Variants in EREG observed in about 807,000 individuals in gnomAD.
EREG encodes epiregulin, also known as proepiregulin.
Under a neutral mutation model 22.4 loss-of-function variants are expected in EREG, and 23 were observed. The ratio of observed to expected loss-of-function variants is 1.03; its 90% CI spans 0.74 to 1.46. The LOEUF (loss-of-function observed/expected upper bound fraction) is 1.46. Ranked by LOEUF, EREG falls within the 40% of genes most tolerant of loss-of-function variation. The probability of loss-of-function intolerance (pLI) is 0.00; values close to 1 mark genes in which losing one functional copy is unlikely to be tolerated. For synonymous variants in EREG, 100 were observed against 75.4 expected (o/e 1.33, Z -1.69); for missense variants, 226 against 205.9 (o/e 1.10, Z -0.60).
At chr4:74,376,387 T>C (rs1251924791) in intron 1 of EREG, among the ~76,000 whole-genome samples, 2 of 152,216 alleles carry the variant, frequency 1.3e-5, no homozygotes, top group Non-Finnish European at 2.9e-5. Context: ...ATGTCAAGGA[T>C]GTAAGCACGT....
At chr4:74,376,770 G>A (rs1752387639) in intron 1 of EREG, among the ~76,000 whole-genome samples, 1 of 152,096 alleles carries the variant, frequency 6.6e-6, no homozygotes, top group South Asian at 2.1e-4. Flanking sequence ...AGATAAATTT[G>A]TAACTCTTCT....
At chr4:74,371,039 G>A (rs1752281000) in intron 1 of EREG, among the ~76,000 whole-genome samples, 1 of 152,194 alleles carries the variant, frequency 6.6e-6, no homozygotes, top group Non-Finnish European at 1.5e-5. Flanking sequence ...CCCACTAGAT[G>A]TCAGTAGCAT....
At chr4:74,379,393 C>A in intron 1 of EREG, 55 bp from the exon 2 acceptor site, 2 of 1,104,282 alleles carry the variant, frequency 1.8e-6, no homozygotes, top group South Asian at 1.3e-5. Flanking sequence ...GAAATTTGAT[C>A]AAGATTTCTT....
intron 1 of EREG, among the ~76,000 whole-genome samples, chr4:74,366,083 C>T (rs1219452009): frequency 6.6e-6 from 1 of 152,060 alleles, no homozygotes; most frequent in Non-Finnish European, 1.5e-5. Context: ...ACTCCATAGC[C>T]TGTGATCGCT....
Position 74,385,761 on chromosome 4 carries a change from G to T in EREG, c.*953G>T, listed in dbSNP as rs1232554587. 2 of 385,550 alleles carry T rather than the reference G, an allele frequency of 5.2e-6. No homozygotes were observed. The highest frequency in any genetic ancestry group is 2.1e-5 in the African/African-American group (1 of 48,294). The allele number at this position is 385,550 out of a possible 1,614,324, so 23.9% of individuals were successfully genotyped here. On this transcript the variant is annotated 3_prime_UTR_variant, in exon 5 of 5. Coordinates refer to ENST00000244869, the MANE Select transcript of EREG (RefSeq NM_001432.3). ...GACTAATTATTATTTTAAAATATATGAAGACAATAATTCTACATGTTGTCT... is the reference window on the plus strand; with the variant it reads ...GACTAATTATTATTTTAAAATATATTAAGACAATAATTCTACATGTTGTCT...
intron 1 of EREG, among the ~76,000 whole-genome samples, chr4:74,366,375 C>A (rs967368310): frequency 6.6e-6 from 1 of 152,130 alleles, no homozygotes; most frequent in Admixed American, 6.5e-5. Context: ...TTTTGGCACA[C>A]CTTATCTCAG....
intron 1 of EREG, among the ~76,000 whole-genome samples, chr4:74,378,581 C>T (rs1423383161): frequency 6.6e-6 from 1 of 152,080 alleles, no homozygotes; most frequent in Non-Finnish European, 1.5e-5. Flanking sequence ...CTACTACCAC[C>T]ACCATTAGTA....
intron 2 of EREG, among the ~76,000 whole-genome samples, chr4:74,380,521 C>T (rs535084642): frequency 6.6e-6 from 1 of 152,212 alleles, no homozygotes; most frequent in South Asian, 2.1e-4. Flanking sequence ...TAATGGTAAC[C>T]TCAGCAACTT....
intron 1 of EREG, among the ~76,000 whole-genome samples, chr4:74,379,064 C>T (rs28452883): frequency 0.71 from 108,247 of 152,002 alleles, 39,330 homozygotes; most frequent in Non-Finnish European, 0.78. Flanking sequence ...TTATTTAGAG[C>T]CTTTTTTTGT....
chr4:74,381,174 A>G, intron 3 of EREG, 37 bp downstream of exon 3: 1 of 1,591,322 alleles, frequency 6.3e-7, no homozygotes. Context: ...AGTTTGTAAA[A>G]TTTTGTTTTA....
Position 74,384,638 on chromosome 4 carries a change from G to A in EREG, c.429-89G>A, listed in dbSNP as rs16851086. On this transcript the variant is annotated intron_variant, in intron 4 of 4. Coordinates refer to ENST00000244869, the MANE Select transcript of EREG (RefSeq NM_001432.3). ...AACTTTGTCATTTTGGAAACACTAT[G>A]CTAATGTGCCTTTGGAGTCCATATA... is the stretch of plus-strand genomic sequence containing the variant. 2.0e-3 allele frequency: 1,313 copies of A among 659,712 alleles called. 14 individuals are homozygous for A. The African/African-American group carries it at 0.022, about 11-fold the overall frequency. 40.9% of individuals were successfully genotyped at this position (659,712 alleles called of 1,614,324 possible).
At chr4:74,368,339 T>G (rs1752225592) in intron 1 of EREG, among the ~76,000 whole-genome samples, 1 of 152,238 alleles carries the variant, frequency 6.6e-6, no homozygotes, top group South Asian at 2.1e-4. Context: ...TGATTTTTAT[T>G]ATGAAGCAGT....
rs1434941037 is a variant in EREG at position 74,365,287 on chromosome 4, C to T, written c.-22C>T. On this transcript the variant is annotated 5_prime_UTR_variant, in exon 1 of 5. Coordinates refer to ENST00000244869, the MANE Select transcript of EREG (RefSeq NM_001432.3). ...CTCCGCAGCCGCCCTCCGCCAAGCC[C>T]CAGCGCCCGCTCCCATCGCCGATGA... 2 of 1,597,514 alleles carry T rather than the reference C, an allele frequency of 1.3e-6. No individual in the cohort carries two copies. The highest frequency in any genetic ancestry group is 1.7e-6 in the Non-Finnish European group (2 of 1,177,456).
chr4:74,386,530 T>C lies in EREG; in HGVS notation c.*1722T>C, dbSNP rs1752571675. On this transcript the variant is annotated 3_prime_UTR_variant, in exon 5 of 5. Coordinates refer to ENST00000244869, the MANE Select transcript of EREG (RefSeq NM_001432.3). ...ACATGACCTTAATGGATCATAGAAT[T>C]GCAGTCATTTGGTGCTCTGCTAACC... 6.6e-6 allele frequency: 1 copy of C among 152,228 alleles called. No individual in the cohort carries two copies. Among genetic ancestry groups the C allele is most frequent in the Non-Finnish European group, 1.5e-5 (1 of 68,048 alleles). 9.4% of individuals were successfully genotyped at this position (152,228 alleles called of 1,614,324 possible). A position where few individuals can be genotyped will look rare whatever the true frequency, so the allele number is the denominator to read the frequency against.
At chr4:74,373,989 T>C (rs16851074) in intron 1 of EREG, among the ~76,000 whole-genome samples, 1,659 of 152,278 alleles carry the variant, frequency 0.011, 17 homozygotes, top group African/African-American at 0.024. Context: ...TATTACGTTA[T>C]AGACAAATTC....
chr4:74,370,977 A>G (rs534186078), intron 1 of EREG, among the ~76,000 whole-genome samples: 38 of 152,266 alleles, frequency 2.5e-4, no homozygotes, highest in South Asian at 2.5e-3. Context: ...TCTTTGTTGC[A>G]GGGAGGCTGT....
chr4:74,376,886 T>C (rs1463246509), intron 1 of EREG, among the ~76,000 whole-genome samples: 1 of 152,234 alleles, frequency 6.6e-6, no homozygotes, highest in Non-Finnish European at 1.5e-5. Flanking sequence ...ATTTGATATA[T>C]GAAGTTATAC....
intron 1 of EREG, among the ~76,000 whole-genome samples, chr4:74,367,484 G>C (rs960476744): frequency 6.6e-6 from 1 of 152,166 alleles, no homozygotes; most frequent in Admixed American, 6.5e-5. Flanking sequence ...GAATTCTGCA[G>C]TTATGTTCAG....
intron 1 of EREG, among the ~76,000 whole-genome samples, chr4:74,365,954 C>A (rs1471438118): frequency 6.6e-6 from 1 of 152,086 alleles, no homozygotes; most frequent in Non-Finnish European, 1.5e-5. Context: ...AGCAGAAGGG[C>A]CCTGGGCAGG....
Sources: allele counts gnomAD v4.1 joint callset (sites outside exome capture counted in the v4.1 genomes callset), GRCh38; gene constraint gnomAD v4.1.1; transcripts MANE v1.5; gene names NCBI Gene and HGNC (gene_info 2026-07-23, HGNC 2026-07-21).